Variants in BAALC observed in about 807,000 individuals in gnomAD.
BAALC encodes BAALC binder of MAP3K1 and KLF4.
BAALC carries 9 observed loss-of-function variants against 15.5 expected under a neutral mutation model. The ratio of observed to expected loss-of-function variants is 0.58; its 90% CI spans 0.35 to 1.02. The LOEUF is 1.02. Among genes scored for constraint, BAALC ranks in the 50% least tolerant of loss-of-function variants. BAALC has a pLI of 0.02. For missense variants in BAALC, 201 were observed against 192.4 expected, an observed-to-expected ratio of 1.04 and a Z score of -0.27; for synonymous variants, 80 against 74.6, an observed-to-expected ratio of 1.07 and a Z score of -0.37.
At chr8:103,167,402 C>A (rs968571380) in intron 1 of BAALC, among the ~76,000 whole-genome samples, 7 of 152,150 alleles carry the variant, frequency 4.6e-5, no homozygotes, top group Non-Finnish European at 2.9e-5. Context: ...GACTATGGAT[C>A]ACTGGAAATG....
intron 1 of BAALC, among the ~76,000 whole-genome samples, chr8:103,162,674 G>A (rs1811253041): frequency 6.6e-6 from 1 of 152,130 alleles, no homozygotes; most frequent in South Asian, 2.1e-4. Context: ...TGAGTCACAA[G>A]CCTGCCCAGA....
At chr8:103,206,611 A>C (rs1812338583) in intron 1 of BAALC, among the ~76,000 whole-genome samples, 2 of 152,182 alleles carry the variant, frequency 1.3e-5, no homozygotes, top group Admixed American at 6.5e-5. Flanking sequence ...CCTGGGACAC[A>C]GACCAGGGTA....
intron 2 of BAALC, among the ~76,000 whole-genome samples, chr8:103,215,159 C>A (rs1452215443): frequency 2.6e-5 from 4 of 152,178 alleles, no homozygotes; most frequent in Admixed American, 2.0e-4. Context: ...TTCCTGCCCC[C>A]CCATCCATCA....
chr8:103,148,475 A>G (rs1162967753), intron 1 of BAALC, among the ~76,000 whole-genome samples: 3 of 152,238 alleles, frequency 2.0e-5, no homozygotes, highest in Non-Finnish European at 2.9e-5. Context: ...AAATAAGCAC[A>G]TCATGGAGAA....
chr8:103,193,928 A>G (rs113630966), intron 1 of BAALC, among the ~76,000 whole-genome samples: 7 of 152,334 alleles, frequency 4.6e-5, no homozygotes, highest in African/African-American at 1.4e-4. Flanking sequence ...TCATCAATGC[A>G]GAGATGCTTA....
At chr8:103,162,206 C>T (rs1464322438) in intron 1 of BAALC, among the ~76,000 whole-genome samples, 1 of 151,942 alleles carries the variant, frequency 6.6e-6, no homozygotes, top group African/African-American at 2.4e-5. Flanking sequence ...AAGCAATTCT[C>T]CCACCTTGGC....
At chr8:103,214,635 G>A (rs369244663) in intron 2 of BAALC, among the ~76,000 whole-genome samples, 1 of 152,172 alleles carries the variant, frequency 6.6e-6, no homozygotes. Context: ...CTAACTAAAG[G>A]CCTTTCAGAA....
intron 1 of BAALC, among the ~76,000 whole-genome samples, chr8:103,203,059 A>T (rs1249582311): frequency 6.6e-6 from 1 of 152,166 alleles, no homozygotes; most frequent in Non-Finnish European, 1.5e-5. Context: ...CATTTCGCCA[A>T]AGACAAATAG....
At chr8:103,141,791 C>G (rs1810784569) in intron 1 of BAALC, among the ~76,000 whole-genome samples, 2 of 152,256 alleles carry the variant, frequency 1.3e-5, no homozygotes, top group Non-Finnish European at 2.9e-5. Flanking sequence ...ATTAAATACT[C>G]TTGCCTAGGT....
At chr8:103,158,420 ATTG>A (rs975978803) in intron 1 of BAALC, among the ~76,000 whole-genome samples, 15 of 152,270 alleles carry the variant, frequency 9.9e-5, no homozygotes, top group African/African-American at 3.6e-4. Context: ...CCCTATATAT[ATTG>A]TTCTTCCTTT....
At chr8:103,146,766 C>T (rs550079612) in intron 1 of BAALC, among the ~76,000 whole-genome samples, 2 of 152,296 alleles carry the variant, frequency 1.3e-5, no homozygotes, top group South Asian at 4.1e-4. Flanking sequence ...CAAACACAAG[C>T]CTTTTTGTTA....
intron 1 of BAALC, chr8:103,156,906 A>G (rs1277724862): frequency 6.6e-6 from 1 of 152,266 alleles, no homozygotes; most frequent in Non-Finnish European, 1.5e-5. Flanking sequence ...AAAGAGCACC[A>G]TTTAAATAGA....
chr8:103,175,330 C>T (rs563690397), intron 1 of BAALC, among the ~76,000 whole-genome samples: 55 of 152,256 alleles, frequency 3.6e-4, no homozygotes, highest in Non-Finnish European at 6.8e-4. Context: ...AAAATATAAA[C>T]GATTGAAAAT....
chr8:103,156,857 A>G (rs1470796386), intron 1 of BAALC: 1 of 152,248 alleles, frequency 6.6e-6, no homozygotes, highest in Admixed American at 6.5e-5. Context: ...TCCAGCCATT[A>G]TGTAAGCTTT....
At chr8:103,187,515 C>A (rs1031995256) in intron 1 of BAALC, among the ~76,000 whole-genome samples, 4 of 152,224 alleles carry the variant, frequency 2.6e-5, no homozygotes, top group Non-Finnish European at 4.4e-5. Flanking sequence ...CATTGTAAAG[C>A]AGGAGAGGAG....
rs891772315 is a variant in BAALC, at chr8:103,150,208, C to T, written c.160+9151C>T. On this transcript the variant is annotated intron_variant, in intron 1 of 2. Coordinates refer to ENST00000309982, the MANE Select transcript of BAALC (RefSeq NM_024812.3). ...ATGAGAACAGCATGGGAAAGACTCA[C>T]CCCCATGATTCAATTACCTCCCACC... Among the ~76,000 whole-genome samples, 3 of 152,164 alleles carry T rather than the reference C, an allele frequency of 2.0e-5. No individual in the cohort carries two copies. The South Asian group carries it at 6.2e-4, about 32-fold the overall frequency.
intron 1 of BAALC, among the ~76,000 whole-genome samples, chr8:103,188,377 C>T (rs796508870): frequency 9.9e-5 from 15 of 152,190 alleles, no homozygotes; most frequent in African/African-American, 3.4e-4. Context: ...CCCTTGGTCA[C>T]GGACTCTGAC....
chr8:103,227,143 G>A (rs769686155), intron 2 of BAALC, among the ~76,000 whole-genome samples: 20 of 152,162 alleles, frequency 1.3e-4, no homozygotes, highest in Admixed American at 4.6e-4. Context: ...ATGTGCATGC[G>A]TTCTTGTGGG....
At chr8:103,150,954 C>G (rs1443190389) in intron 1 of BAALC, among the ~76,000 whole-genome samples, 1 of 152,174 alleles carries the variant, frequency 6.6e-6, no homozygotes, top group Non-Finnish European at 1.5e-5. Context: ...CTGCTCTCTT[C>G]ATCCATCACC....
Sources: gnomAD v4.1 joint callset for allele counts (sites outside exome capture counted in the v4.1 genomes callset) on GRCh38, gnomAD v4.1.1 for gene constraint, MANE v1.5 for transcripts, NCBI Gene and HGNC (gene_info 2026-07-23, HGNC 2026-07-21) for gene names.